Variants in DAB1 observed in about 807,000 individuals in gnomAD.
DAB1 encodes disabled homolog 1.
In DAB1, 15 loss-of-function variants were observed where a neutral mutation model predicts 64.6. The ratio of observed to expected loss-of-function variants is 0.23; its 90% confidence interval spans 0.16 to 0.36. DAB1 has a LOEUF of 0.36. Among genes scored for constraint, DAB1 ranks in the 10% least tolerant of loss-of-function variants. The pLI is 1.00. For synonymous variants in DAB1, 235 were observed against 251.9 expected (o/e 0.93, Z 0.64); for missense variants, 596 against 706.7 (o/e 0.84, Z 1.78).
intron 5 of DAB1, among the ~76,000 whole-genome samples, chr1:58,128,579 T>C (rs1653300681): frequency 7.6e-6 from 1 of 131,672 alleles, no homozygotes; most frequent in Non-Finnish European, 1.6e-5. Flanking sequence ...TTCAGTATGA[T>C]ATTGGCTGTG....
At chr1:57,214,637 G>A (rs563766346) in intron 2 of DAB1, among the ~76,000 whole-genome samples, 3 of 152,194 alleles carry the variant, frequency 2.0e-5, no homozygotes, top group East Asian at 1.9e-4. Context: ...CAAGCCGGGC[G>A]CAGTGGCTCA....
intron 4 of DAB1, among the ~76,000 whole-genome samples, chr1:58,192,570 T>C (rs1557689513): frequency 1.3e-5 from 2 of 152,224 alleles, no homozygotes; most frequent in Admixed American, 6.5e-5. Flanking sequence ...TCCAGTTCCA[T>C]CCATGTTGCT....
chr1:57,153,475 C>A (rs1429016635), intron 2 of DAB1, among the ~76,000 whole-genome samples: 1 of 152,194 alleles, frequency 6.6e-6, no homozygotes, highest in African/African-American at 2.4e-5. Context: ...TTTTGCAGAT[C>A]TCTCTGAATG....
In DAB1 at chr1:58,181,540, AT is replaced by A. The variant is rs1174653510; in HGVS notation, n.310-30953del. The stretch of plus-strand genomic sequence containing the variant: ...CCTTAATTGCCTTCTTCTGTGTAAG[AT>A]AGATATTTTCTTCTGTACCATTTTA... On this transcript the variant is annotated intron_variant and non_coding_transcript_variant, in intron 4 of 20. Transcript: ENST00000485760. Among the ~76,000 whole-genome samples, 4 of 152,116 alleles carry A rather than the reference AT, an allele frequency of 2.6e-5. No individual in the cohort carries two copies. The East Asian group carries it at 7.7e-4, about 29-fold the overall frequency.
chr1:57,779,300 G>C (rs796347258), intron 6 of DAB1, among the ~76,000 whole-genome samples: 4 of 152,156 alleles, frequency 2.6e-5, no homozygotes, highest in African/African-American at 9.6e-5. Flanking sequence ...AGGTGAGAAT[G>C]AGCACATTTA....
At chr1:58,257,027 C>T (rs1264254093) in intron 4 of DAB1, among the ~76,000 whole-genome samples, 1 of 152,198 alleles carries the variant, frequency 6.6e-6, no homozygotes, top group Non-Finnish European at 1.5e-5. Flanking sequence ...CACAACTAGC[C>T]TGTGAGCTCA....
chr1:58,335,989 A>G (rs1198206193), intron 4 of DAB1, among the ~76,000 whole-genome samples: 1 of 152,208 alleles, frequency 6.6e-6, no homozygotes, highest in Non-Finnish European at 1.5e-5. Context: ...AGCTGAAGAA[A>G]TAAATTTGGT....
rs188497798 is a variant in DAB1 at position 57,517,948 on chromosome 1, T to G, written n.625+131644A>C. ...TCTCAGCCCCCCAGCTGGAATCCTC[T>G]CTCTAGTAGCACCCAGCCTCTGTTG... is the stretch of plus-strand genomic sequence containing the variant. On this transcript the variant is annotated intron_variant and non_coding_transcript_variant, in intron 7 of 20. Coordinates refer to the DAB1 transcript ENST00000485760. 5.9e-5 allele frequency among the ~76,000 whole-genome samples: 9 copies of G among 152,280 alleles called. No homozygotes were observed. The East Asian group carries it at 1.5e-3, about 26-fold the overall frequency.
chr1:58,364,790 G>A (rs1185853153), intron 3 of DAB1, among the ~76,000 whole-genome samples: 2 of 152,184 alleles, frequency 1.3e-5, no homozygotes, highest in African/African-American at 4.8e-5. Flanking sequence ...TCTGTGACTG[G>A]CCAAAGGCCA....
At chr1:57,909,062 G>C (rs1417290980) in intron 5 of DAB1, among the ~76,000 whole-genome samples, 1 of 152,222 alleles carries the variant, frequency 6.6e-6, no homozygotes, top group East Asian at 1.9e-4. Flanking sequence ...CTTTAGGGTA[G>C]AGGGCAGATG....
At chr1:58,419,788 T>C (rs1199876953) in intron 3 of DAB1, among the ~76,000 whole-genome samples, 2 of 152,220 alleles carry the variant, frequency 1.3e-5, no homozygotes, top group Non-Finnish European at 2.9e-5. Flanking sequence ...TGCTTCTGTA[T>C]TCGTAGCCAC....
intron 2 of DAB1, among the ~76,000 whole-genome samples, chr1:57,241,230 C>T (rs962423732): frequency 6.6e-6 from 1 of 152,138 alleles, no homozygotes; most frequent in Non-Finnish European, 1.5e-5. Flanking sequence ...CAACACAGTT[C>T]TAATCTCTGC....
chr1:58,219,263 C>T (rs1441218018), intron 4 of DAB1, among the ~76,000 whole-genome samples: 2 of 151,978 alleles, frequency 1.3e-5, no homozygotes, highest in Non-Finnish European at 2.9e-5. Flanking sequence ...TTGGTGTGCC[C>T]TTCAGAGCAT....
intron 5 of DAB1, chr1:58,074,527 TA>T (rs1557638835): frequency 1.5e-4 from 16 of 108,330 alleles, no homozygotes; most frequent in Non-Finnish European, 5.4e-5. Flanking sequence ...TATATACATA[TA>T]TATATATATA....
chr1:57,732,054 G>T (rs1474073961), intron 6 of DAB1, among the ~76,000 whole-genome samples: 1 of 152,190 alleles, frequency 6.6e-6, no homozygotes, highest in Non-Finnish European at 1.5e-5. Context: ...GAATCCTGTA[G>T]TCAATTCCTT....
In DAB1 at chr1:58,301,919, T is replaced by C. The variant is rs1006485832; in HGVS notation, n.309+41433A>G. Among the ~76,000 whole-genome samples, 4 of 152,290 alleles carry C rather than the reference T, an allele frequency of 2.6e-5. No homozygotes were observed. The South Asian group carries it at 8.3e-4, about 32-fold the overall frequency. On this transcript the variant is annotated intron_variant and non_coding_transcript_variant, in intron 4 of 20. Coordinates refer to the DAB1 transcript ENST00000485760. Reference sequence around the variant, plus strand: ...TAAGCCTGTCACATAGTAAGCAATATGGAGATATTAGCTCTTATTAGTATT... The same window carrying C: ...TAAGCCTGTCACATAGTAAGCAATACGGAGATATTAGCTCTTATTAGTATT...
intron 4 of DAB1, among the ~76,000 whole-genome samples, chr1:57,096,499 G>T (rs1220076715): frequency 6.6e-6 from 1 of 152,094 alleles, no homozygotes; most frequent in African/African-American, 2.4e-5. Context: ...TACAAACGAA[G>T]CCTGTATGTT....
chr1:58,090,948 GT>G (rs1471681486), intron 5 of DAB1, among the ~76,000 whole-genome samples: 1 of 152,184 alleles, frequency 6.6e-6, no homozygotes, highest in African/African-American at 2.4e-5. Flanking sequence ...GAATAAGTCG[GT>G]TCAGTGCTAC....
intron 6 of DAB1, among the ~76,000 whole-genome samples, chr1:57,766,562 T>C (rs1649320267): frequency 1.3e-5 from 2 of 152,176 alleles, no homozygotes; most frequent in Non-Finnish European, 2.9e-5. Flanking sequence ...CACTTTCTCC[T>C]TCATTTCCTT....
Sources: allele counts gnomAD v4.1 joint callset (sites outside exome capture counted in the v4.1 genomes callset), GRCh38; gene constraint gnomAD v4.1.1; transcripts MANE v1.5; gene names NCBI Gene and HGNC (gene_info 2026-07-23, HGNC 2026-07-21).